SRBD1: variants seen among roughly 807,000 people sequenced by gnomAD.
SRBD1 encodes the protein S1 RNA-binding domain-containing protein 1.
In SRBD1, 88 loss-of-function variants were observed where a neutral mutation model predicts 115.3. The ratio of observed to expected loss-of-function variants is 0.76; its 90% CI spans 0.64 to 0.91. The LOEUF (loss-of-function observed/expected upper bound fraction) is 0.91. SRBD1 is among the 40% of genes least tolerant of loss of function. SRBD1 has a pLI of 0.00. For synonymous variants in SRBD1, 509 were observed against 407.7 expected (o/e 1.25, Z -2.99); for missense variants, 1,385 against 1,177.4 (o/e 1.18, Z -2.58).
intron 14 of SRBD1, among the ~76,000 whole-genome samples, chr2:45,530,163 G>A (rs1267357110): frequency 6.6e-6 from 1 of 151,920 alleles, no homozygotes; most frequent in African/African-American, 2.4e-5. Context: ...TCAGGTAAAT[G>A]GACTAATTGA....
rs149625262 is a variant in SRBD1 at position 45,397,520 on chromosome 2, G to C, written c.2514-4391C>G. ...CTATTTAGATTAGCTTACAGAAGGA[G>C]TGCTGGCTTCACCATAGGGGCTGTT... On this transcript the variant is annotated intron_variant, in intron 19 of 20. Transcript: ENST00000263736. Among the ~76,000 whole-genome samples, 365 of 152,346 alleles carry C rather than the reference G, an allele frequency of 2.4e-3. 6 individuals are homozygous for C. In the East Asian group the frequency reaches 0.044, roughly 18 times the overall value.
chr2:45,496,752 C>T (rs1170001830), intron 14 of SRBD1, among the ~76,000 whole-genome samples: 1 of 152,144 alleles, frequency 6.6e-6, no homozygotes, highest in African/African-American at 2.4e-5. Flanking sequence ...TTCCTCTGAA[C>T]TTATACCTCA....
chr2:45,462,106 A>C (rs935730971), intron 16 of SRBD1, among the ~76,000 whole-genome samples: 2 of 152,232 alleles, frequency 1.3e-5, no homozygotes, highest in Non-Finnish European at 2.9e-5. Context: ...GTTGAAAGTT[A>C]AGGTCCACAA....
At chr2:45,534,388 T>A (rs919871618) in intron 14 of SRBD1, among the ~76,000 whole-genome samples, 2 of 151,932 alleles carry the variant, frequency 1.3e-5, no homozygotes, top group Non-Finnish European at 2.9e-5. Context: ...CCAGTGTTCA[T>A]AATAGTCACC....
chr2:45,447,466 A>G (rs1668861506), intron 16 of SRBD1: 1 of 151,728 alleles, frequency 6.6e-6, no homozygotes, highest in Admixed American at 6.6e-5. Flanking sequence ...AAAAAAAGAA[A>G]AGGCATGTCA....
At chr2:45,490,715 G>C (rs1223721540) in intron 14 of SRBD1, among the ~76,000 whole-genome samples, 1 of 152,026 alleles carries the variant, frequency 6.6e-6, no homozygotes, top group Non-Finnish European at 1.5e-5. Flanking sequence ...GCTTTTGGAG[G>C]TTATAATTTT....
intron 16 of SRBD1, among the ~76,000 whole-genome samples, chr2:45,427,407 C>T (rs1205992098): frequency 6.8e-6 from 1 of 147,972 alleles, no homozygotes; most frequent in East Asian, 2.1e-4. Flanking sequence ...CACACACAGG[C>T]TCAAAATAAA....
chr2:45,575,701 G>C (rs1673154141), intron 7 of SRBD1, among the ~76,000 whole-genome samples: 1 of 152,088 alleles, frequency 6.6e-6, no homozygotes, highest in Non-Finnish European at 1.5e-5. Context: ...CATGGGTACA[G>C]GTCCACTTCT....
intron 16 of SRBD1, among the ~76,000 whole-genome samples, chr2:45,450,655 A>G (rs1668965339): frequency 6.6e-6 from 1 of 152,140 alleles, no homozygotes; most frequent in African/African-American, 2.4e-5. Context: ...TACAGAACAG[A>G]AAGATGTTGG....
intron 4 of SRBD1, among the ~76,000 whole-genome samples, chr2:45,586,422 T>A (rs998408408): frequency 2.0e-5 from 3 of 152,214 alleles, no homozygotes; most frequent in Admixed American, 2.0e-4. Context: ...ATGAAATGAT[T>A]CACAAGATCT....
intron 16 of SRBD1, among the ~76,000 whole-genome samples, chr2:45,464,479 G>A (rs1398420176): frequency 6.6e-6 from 1 of 152,182 alleles, no homozygotes; most frequent in Admixed American, 6.5e-5. Flanking sequence ...TAATAAACAA[G>A]TAACAGCCCT....
intron 2 of SRBD1, among the ~76,000 whole-genome samples, chr2:45,604,494 T>C (rs1207728243): frequency 6.6e-6 from 1 of 152,086 alleles, no homozygotes; most frequent in African/African-American, 2.4e-5. Flanking sequence ...CTAAGCCTAT[T>C]AGATCCAGAT....
chr2:45,591,903 G>A (rs570056365), intron 4 of SRBD1, among the ~76,000 whole-genome samples: 1 of 152,294 alleles, frequency 6.6e-6, no homozygotes, highest in East Asian at 1.9e-4. Flanking sequence ...GGTGGAGTAT[G>A]ACCTTCCAGT....
intron 6 of SRBD1, among the ~76,000 whole-genome samples, chr2:45,580,277 G>C (rs1673309668): frequency 6.6e-6 from 1 of 152,040 alleles, no homozygotes; most frequent in African/African-American, 2.4e-5. Context: ...TGCTTGGACT[G>C]CAAAGTCCTC....
chr2:45,434,782 T>A lies in SRBD1; in HGVS notation c.2050-14888A>T, dbSNP rs10168681. Reference sequence around the variant, plus strand: ...TTTGCATTTTTTTTCTTTTTTTTTTTAATTATACTTTAAGTTCTTGGGCAC... The same window carrying A: ...TTTGCATTTTTTTTCTTTTTTTTTTAAATTATACTTTAAGTTCTTGGGCAC... On this transcript the variant is annotated intron_variant, in intron 16 of 20. Coordinates refer to ENST00000263736, the MANE Select transcript of SRBD1 (RefSeq NM_018079.5). Among the ~76,000 whole-genome samples, 1,225 of 151,994 alleles carry A rather than the reference T, an allele frequency of 8.1e-3. 13 individuals are homozygous for A. The highest frequency in any genetic ancestry group is 0.027 in the African/African-American group (1,115 of 41,466).
intron 10 of SRBD1, among the ~76,000 whole-genome samples, chr2:45,554,417 C>G (rs899000014): frequency 2.6e-5 from 4 of 152,154 alleles, no homozygotes; most frequent in African/African-American, 9.7e-5. Flanking sequence ...CCACTGTATC[C>G]TTTTTTCCCC....
intron 15 of SRBD1, among the ~76,000 whole-genome samples, chr2:45,482,597 C>G (rs1558424573): frequency 6.9e-6 from 1 of 144,528 alleles, no homozygotes; most frequent in East Asian, 2.0e-4. Flanking sequence ...TGGAGAAAAA[C>G]CTATTCACAA....
At position 45,415,667 on chromosome 2, in the gene SRBD1, G is replaced by A. The variant is rs1249992279; in HGVS notation, c.2334-2374C>T. ...AGGAGGGGAGGGGAGGGGAGGGGAG[G>A]GGAGGGGAGGGGAGGGGACGGGAGA... On this transcript the variant is annotated intron_variant, in intron 18 of 20. Coordinates refer to ENST00000263736, the MANE Select transcript of SRBD1 (RefSeq NM_018079.5). 5.6e-3 allele frequency among the ~76,000 whole-genome samples: 239 copies of A among 42,584 alleles called. 9 individuals are homozygous for A. The highest frequency in any genetic ancestry group is 0.019 in the Middle Eastern group (1 of 54). The allele number at this position is 42,584 out of a possible 152,430, so 27.9% of individuals were successfully genotyped here.
chr2:45,476,936 G>C, intron 16 of SRBD1, 57 bp downstream of exon 16: 1 of 1,489,582 alleles, frequency 6.7e-7, no homozygotes. Flanking sequence ...TCCCAGGTTT[G>C]AGTACTGCTC....
Sources: allele counts gnomAD v4.1 joint callset (sites outside exome capture counted in the v4.1 genomes callset), GRCh38; gene constraint gnomAD v4.1.1; transcripts MANE v1.5; gene names NCBI Gene and HGNC (gene_info 2026-07-23, HGNC 2026-07-21).